UNC13C: variants seen among roughly 807,000 people sequenced by gnomAD.
UNC13C encodes unc-13 homolog C, also known as protein unc-13 homolog C.
In UNC13C, 174 loss-of-function variants were observed where a neutral mutation model predicts 245.4. That is an observed-to-expected ratio of 0.71 (90% confidence interval 0.63 to 0.80). The LOEUF (loss-of-function observed/expected upper bound fraction) is 0.80, where lower values mean the gene tolerates loss of function less well. Ranked by LOEUF, UNC13C falls within the 30% of genes least tolerant of loss-of-function variation. UNC13C has a pLI of 0.00. For missense variants in UNC13C, 2,829 were observed against 2,602.9 expected (o/e 1.09, Z -1.89); for synonymous variants, 992 against 895.1 (o/e 1.11, Z -1.93).
At chr15:54,074,878 G>T (rs190034971) in intron 2 of UNC13C, among the ~76,000 whole-genome samples, 28 of 149,666 alleles carry the variant, frequency 1.9e-4, no homozygotes, top group African/African-American at 5.6e-4. Flanking sequence ...TCTTTATCTT[G>T]CCTGATTGCC....
chr15:54,511,374 T>G (rs1894731447), intron 23 of UNC13C, among the ~76,000 whole-genome samples: 1 of 113,632 alleles, frequency 8.8e-6, no homozygotes, highest in Non-Finnish European at 2.0e-5. Flanking sequence ...CACATGGTAT[T>G]TTCTTTTCTA....
intron 4 of UNC13C, among the ~76,000 whole-genome samples, chr15:54,230,676 C>A (rs1037984622): frequency 4.0e-5 from 6 of 151,814 alleles, no homozygotes; most frequent in African/African-American, 1.5e-4. Context: ...ATTTTAATAT[C>A]ATTATGGAAA....
At chr15:54,483,455 G>T (rs985399241) in intron 19 of UNC13C, among the ~76,000 whole-genome samples, 5 of 151,998 alleles carry the variant, frequency 3.3e-5, no homozygotes, top group Admixed American at 6.6e-5. Flanking sequence ...ATTTTTCTTT[G>T]TTTTTAATTT....
At chr15:53,914,029 A>T in the UNC13C span, 2 of 151,418 alleles carry the variant, frequency 1.3e-5, no homozygotes, top group Non-Finnish European at 2.9e-5. Flanking sequence ...TATGTATGTG[A>T]TGGGCTTGTG....
chr15:53,952,571 T>C, the UNC13C span, among the ~76,000 whole-genome samples: 1 of 152,232 alleles, frequency 6.6e-6, no homozygotes, highest in African/African-American at 2.4e-5. Flanking sequence ...CTTTAAAAAA[T>C]ACTGACTTCT....
chr15:53,862,708 C>G, the UNC13C span, among the ~76,000 whole-genome samples: 1 of 152,134 alleles, frequency 6.6e-6, no homozygotes, highest in Non-Finnish European at 1.5e-5. Context: ...GCCTGCCACA[C>G]TCACGTTGGG....
At chr15:53,969,386 A>T in the UNC13C span, among the ~76,000 whole-genome samples, 1 of 152,210 alleles carries the variant, frequency 6.6e-6, no homozygotes, top group Non-Finnish European at 1.5e-5. Flanking sequence ...ACATAGCCTG[A>T]TGCCTCCTTC....
At chr15:54,589,027 A>C (rs1329686424) in intron 30 of UNC13C, among the ~76,000 whole-genome samples, 1 of 152,078 alleles carries the variant, frequency 6.6e-6, no homozygotes, top group African/African-American at 2.4e-5. Flanking sequence ...ATCAAATGGT[A>C]ATTCTACTTT....
At chr15:53,880,524 G>A in the UNC13C span, among the ~76,000 whole-genome samples, 1 of 152,122 alleles carries the variant, frequency 6.6e-6, no homozygotes, top group African/African-American at 2.4e-5. Flanking sequence ...GTGACAGCAC[G>A]AACAGCCTTC....
intron 10 of UNC13C, among the ~76,000 whole-genome samples, chr15:54,284,268 G>A (rs548985347): frequency 6.6e-6 from 1 of 152,198 alleles, no homozygotes; most frequent in South Asian, 2.1e-4. Context: ...TTTAATTTCT[G>A]CTACAATAAT....
chr15:54,117,019 G>T (rs1343265627), intron 2 of UNC13C, among the ~76,000 whole-genome samples: 3 of 152,082 alleles, frequency 2.0e-5, no homozygotes, highest in Admixed American at 2.0e-4. Flanking sequence ...TTTCCCTGAT[G>T]ATTGGAGATG....
chr15:53,984,282 A>G (rs572847725), intron 1 of UNC13C, among the ~76,000 whole-genome samples: 19 of 152,168 alleles, frequency 1.2e-4, no homozygotes, highest in African/African-American at 2.9e-4. Context: ...CTCTGCCCCA[A>G]TTAGACAGAT....
At chr15:54,103,908 C>T (rs1473407343) in intron 2 of UNC13C, among the ~76,000 whole-genome samples, 1 of 152,152 alleles carries the variant, frequency 6.6e-6, no homozygotes, top group Non-Finnish European at 1.5e-5. Flanking sequence ...CCATGCCCAG[C>T]TAATTTTTGT....
chr15:54,609,608 T>C (rs1232904447), intron 30 of UNC13C, among the ~76,000 whole-genome samples: 1 of 152,212 alleles, frequency 6.6e-6, no homozygotes, highest in Non-Finnish European at 1.5e-5. Flanking sequence ...TGAGAGTGTA[T>C]GATAGCAAAG....
At chr15:54,322,955 A>G (rs2038202573) in intron 14 of UNC13C, among the ~76,000 whole-genome samples, 2 of 151,740 alleles carry the variant, frequency 1.3e-5, no homozygotes, top group Non-Finnish European at 2.9e-5. Context: ...GTCAGGGCAA[A>G]TGGGTAGGCA....
intron 19 of UNC13C, among the ~76,000 whole-genome samples, chr15:54,462,149 A>G (rs991837452): frequency 6.6e-6 from 1 of 152,250 alleles, no homozygotes; most frequent in African/African-American, 2.4e-5. Flanking sequence ...AGAGAGGCCA[A>G]GTAGTTGAGC....
chr15:54,342,081 C>T lies in UNC13C; in HGVS notation c.4713+3592C>T, dbSNP rs769080812. ...CTATTCTAATATTGGTGTGTTTGAA[C>T]GTATTTTCACATATGATCAATGAAC... On this transcript the variant is annotated intron_variant, in intron 17 of 32. Coordinates refer to ENST00000260323, the MANE Select transcript of UNC13C (RefSeq NM_001080534.3). 5.9e-5 allele frequency among the ~76,000 whole-genome samples: 9 copies of T among 151,920 alleles called. No homozygotes were observed. In the South Asian group the frequency reaches 8.3e-4, roughly 14 times the overall value.
intron 30 of UNC13C, among the ~76,000 whole-genome samples, chr15:54,616,953 C>T (rs1402324105): frequency 6.6e-6 from 1 of 151,964 alleles, no homozygotes; most frequent in African/African-American, 2.4e-5. Context: ...TTTAGATACA[C>T]AAATACAGGT....
intron 4 of UNC13C, among the ~76,000 whole-genome samples, chr15:54,171,644 T>A (rs984270746): frequency 2.0e-5 from 3 of 152,058 alleles, no homozygotes; most frequent in African/African-American, 7.2e-5. Context: ...AATCCTCGTA[T>A]ACTGTTGGTG....
Sources: allele counts gnomAD v4.1 joint callset (sites outside exome capture counted in the v4.1 genomes callset), GRCh38; gene constraint gnomAD v4.1.1; transcripts MANE v1.5; gene names NCBI Gene and HGNC (gene_info 2026-07-23, HGNC 2026-07-21).